The following UPP2 variants were observed in gnomAD, a reference collection of about 807,000 sequenced individuals.
The protein encoded by UPP2 is UPase 2.
A neutral mutation model predicts 26.7 loss-of-function variants in UPP2; 23 were observed. The ratio of observed to expected loss-of-function variants is 0.86; its 90% CI spans 0.62 to 1.22. The LOEUF (loss-of-function observed/expected upper bound fraction) is 1.22. Ranked by LOEUF, UPP2 falls within the 50% of genes most tolerant of loss-of-function variation. The pLI is 0.00. For missense variants in UPP2, 387 were observed against 396.7 expected, an observed-to-expected ratio of 0.98 and a Z score of 0.21; for synonymous variants, 127 against 141.3, an observed-to-expected ratio of 0.90 and a Z score of 0.72.
Position 158,134,948 on chromosome 2 carries a change from T to G in UPP2, c.*58T>G. ...CAAGTTTGTAGCTCAAGTTGTAATG[T>G]GAAAGTCATATTTTATTTGTGGCAT... On this transcript the variant is annotated 3_prime_UTR_variant, in exon 7 of 7. Transcript: ENST00000005756. 1 of 1,520,232 alleles carries G rather than the reference T, an allele frequency of 6.6e-7. No homozygotes were observed. Among genetic ancestry groups the G allele is most frequent in the South Asian group, 1.3e-5 (1 of 76,218 alleles). The allele number at this position is 1,520,232 out of a possible 1,614,324, so 94.2% of individuals were successfully genotyped here. A position where few individuals can be genotyped will look rare whatever the true frequency, so the allele number is the denominator to read the frequency against.
chr2:158,090,190 A>G (rs1229058191), intron 3 of UPP2, among the ~76,000 whole-genome samples: 3 of 152,186 alleles, frequency 2.0e-5, no homozygotes, highest in Non-Finnish European at 4.4e-5. Flanking sequence ...ATTATTACAC[A>G]TTGTGTGCCT....
rs1016599663 is a variant in UPP2 at position 158,062,457 on chromosome 2, G to A, written c.148-39583G>A. 2.6e-5 allele frequency among the ~76,000 whole-genome samples: 4 copies of A among 152,238 alleles called. 1 individual carries two copies. In the South Asian group the frequency reaches 6.2e-4, roughly 24 times the overall value. ...TAGTGCTCCTGGGACATGTATCCACGTGCAAGGTTTTTAACCAGGGGTTTG... is the reference window on the plus strand; with the variant it reads ...TAGTGCTCCTGGGACATGTATCCACATGCAAGGTTTTTAACCAGGGGTTTG... On this transcript the variant is annotated intron_variant, in intron 3 of 9. Coordinates refer to the UPP2 transcript ENST00000605860.
chr2:158,127,451 A>C (rs183134295), intron 6 of UPP2, among the ~76,000 whole-genome samples: 74 of 151,444 alleles, frequency 4.9e-4, no homozygotes, highest in Middle Eastern at 6.8e-3. Context: ...TTACTGAACG[A>C]GTGAGTGAAT....
At chr2:158,029,783 G>A (rs1044044674) in intron 3 of UPP2, among the ~76,000 whole-genome samples, 1 of 150,632 alleles carries the variant, frequency 6.6e-6, no homozygotes, top group Non-Finnish European at 1.5e-5. Context: ...CATATTCTAG[G>A]TCATCTCGTT....
chr2:158,069,630 A>T lies in UPP2; in HGVS notation c.148-32410A>T, dbSNP rs1283217307. 2.6e-5 allele frequency among the ~76,000 whole-genome samples: 4 copies of T among 152,290 alleles called. No homozygotes were observed. The South Asian group carries it at 8.3e-4, about 32-fold the overall frequency. On this transcript the variant is annotated intron_variant, in intron 3 of 9. Coordinates refer to the UPP2 transcript ENST00000605860. ...TGTAGCAGAATCTCTCTGGTGAGGCATGTCCCTATGAACAGCTCTCCCTGA... is the reference window on the plus strand; with the variant it reads ...TGTAGCAGAATCTCTCTGGTGAGGCTTGTCCCTATGAACAGCTCTCCCTGA...
chr2:158,050,924 T>C (rs965299892), intron 3 of UPP2, among the ~76,000 whole-genome samples: 2 of 152,122 alleles, frequency 1.3e-5, no homozygotes. Context: ...AAGAGTATAA[T>C]TGGACTGTTT....
At chr2:158,037,566 T>A (rs1162581449) in intron 3 of UPP2, among the ~76,000 whole-genome samples, 3 of 152,072 alleles carry the variant, frequency 2.0e-5, no homozygotes, top group Non-Finnish European at 4.4e-5. Context: ...GAGAGTCTGT[T>A]CCATGCCTCT....
chr2:158,095,436 C>CTT lies in UPP2; in HGVS notation c.148-6604_148-6603insTT, dbSNP rs528020692. ...TTACATCCCAGTCCTACTTCACCTT[C>CTT]AACACCCAGATCAAATTCCCTTCTC... On this transcript the variant is annotated intron_variant, in intron 3 of 9. Coordinates refer to the UPP2 transcript ENST00000605860. 3.3e-3 allele frequency among the ~76,000 whole-genome samples: 506 copies of CTT among 152,288 alleles called. 2 individuals carry two copies. The highest frequency in any genetic ancestry group is 0.012 in the African/African-American group (481 of 41,558).
chr2:158,061,494 G>A (rs948474170), intron 3 of UPP2, among the ~76,000 whole-genome samples: 2 of 152,036 alleles, frequency 1.3e-5, no homozygotes, highest in Admixed American at 6.6e-5. Context: ...TTTTATTTTC[G>A]CTGTAACTTA....
chr2:158,122,109 C>A (rs1484874359), intron 5 of UPP2, among the ~76,000 whole-genome samples: 1 of 151,822 alleles, frequency 6.6e-6, no homozygotes, highest in Non-Finnish European at 1.5e-5. Flanking sequence ...GGTCCCCAAA[C>A]CAAGTTTAGA....
chr2:158,117,758 A>T, intron 3 of UPP2, 66 bp from the exon 4 acceptor site: 2 of 1,224,510 alleles, frequency 1.6e-6, no homozygotes, highest in Non-Finnish European at 2.4e-6. Context: ...TAATGATGGA[A>T]GAAATTATGT....
intron 6 of UPP2, among the ~76,000 whole-genome samples, chr2:158,133,043 T>C (rs554775855): frequency 2.0e-5 from 3 of 152,186 alleles, no homozygotes; most frequent in African/African-American, 7.2e-5. Context: ...CTGGTATCAG[T>C]GTGCTGTAAA....
intron 2 of UPP2, among the ~76,000 whole-genome samples, chr2:158,007,651 G>A (rs1574242453): frequency 2.0e-5 from 3 of 149,616 alleles, no homozygotes; most frequent in South Asian, 2.1e-4. Context: ...TTTTTAAGAC[G>A]GAGTCTTGCT....
intron 3 of UPP2, among the ~76,000 whole-genome samples, chr2:158,070,834 A>G (rs1215230256): frequency 6.6e-6 from 1 of 152,202 alleles, no homozygotes; most frequent in Non-Finnish European, 1.5e-5. Flanking sequence ...GAGCTGCTAC[A>G]TGGCATGGAG....
chr2:158,091,062 T>A (rs922389376), intron 3 of UPP2, among the ~76,000 whole-genome samples: 1 of 152,238 alleles, frequency 6.6e-6, no homozygotes, highest in Non-Finnish European at 1.5e-5. Flanking sequence ...GAAACGGAAG[T>A]AACGCGTCAC....
chr2:158,127,456 G>C (rs1359309003), intron 6 of UPP2, among the ~76,000 whole-genome samples: 1 of 150,552 alleles, frequency 6.6e-6, no homozygotes. Context: ...GAACGAGTGA[G>C]TGAATGAAAA....
At chr2:158,026,886 AAGT>A (rs1262342281) in intron 3 of UPP2, among the ~76,000 whole-genome samples, 1 of 152,164 alleles carries the variant, frequency 6.6e-6, no homozygotes. Flanking sequence ...CAGCAAGAAG[AAGT>A]GAGGAAGATG....
chr2:158,006,831 G>A (rs1407624460), intron 2 of UPP2, among the ~76,000 whole-genome samples: 1 of 152,178 alleles, frequency 6.6e-6, no homozygotes, highest in Non-Finnish European at 1.5e-5. Context: ...TTGCTTTCCA[G>A]AGCAGCTGTT....
intron 3 of UPP2, among the ~76,000 whole-genome samples, chr2:158,022,457 C>CA (rs11385969): frequency 0.23 from 20,418 of 87,590 alleles, 2,572 homozygotes; most frequent in African/African-American, 0.41. Flanking sequence ...AGACTTGTCT[C>CA]AAAAAAAAAA....
Sources: gnomAD v4.1 joint callset for allele counts (sites outside exome capture counted in the v4.1 genomes callset) on GRCh38, gnomAD v4.1.1 for gene constraint, MANE v1.5 for transcripts, NCBI Gene and HGNC (gene_info 2026-07-23, HGNC 2026-07-21) for gene names.